Variants in ANKRD46 observed in about 807,000 individuals in gnomAD.
The protein encoded by ANKRD46 is ankyrin repeat domain 46.
Under a neutral mutation model 19.8 loss-of-function variants are expected in ANKRD46, and 13 were observed. The observed-to-expected ratio is 0.66, with a 90% CI of 0.43 to 1.04. The LOEUF (loss-of-function observed/expected upper bound fraction) is 1.04. Ranked by LOEUF, ANKRD46 falls within the 50% of genes least tolerant of loss-of-function variation. The pLI is 0.00. For synonymous variants in ANKRD46, 91 were observed against 106.9 expected (o/e 0.85, Z 0.92); for missense variants, 185 against 274.8 (o/e 0.67, Z 2.31).
intron 1 of ANKRD46, among the ~76,000 whole-genome samples, chr8:100,558,514 G>A (rs745429699): frequency 2.0e-5 from 3 of 152,144 alleles, no homozygotes; most frequent in Admixed American, 2.0e-4. Context: ...CCCAGTCCAA[G>A]TTTAACTTTA....
intron 1 of ANKRD46, chr8:100,551,372 T>C: frequency 1.7e-6 from 1 of 590,746 alleles, no homozygotes; most frequent in Non-Finnish European, 3.2e-6. Flanking sequence ...CCCTTTTGGC[T>C]CCCCCATTAA....
At chr8:100,547,614 C>T (rs944802940) in intron 1 of ANKRD46, among the ~76,000 whole-genome samples, 5 of 152,110 alleles carry the variant, frequency 3.3e-5, no homozygotes, top group African/African-American at 1.2e-4. Flanking sequence ...AGAGTAAGAC[C>T]TTGTCTCAAA....
chr8:100,553,685 GC>G (rs1812439573), intron 1 of ANKRD46, among the ~76,000 whole-genome samples: 1 of 152,186 alleles, frequency 6.6e-6, no homozygotes, highest in African/African-American at 2.4e-5. Flanking sequence ...GGAGGCGGAA[GC>G]TACAGTGAGC....
At chr8:100,516,247 A>C (rs1393464217), downstream of ANKRD46, among the ~76,000 whole-genome samples, 3 of 152,188 alleles carry the variant, frequency 2.0e-5, no homozygotes, top group African/African-American at 4.8e-5. Context: ...AGGTCATTTG[A>C]TTTCCATAGT....
At chr8:100,539,345 T>C (rs1477575788) in intron 1 of ANKRD46, among the ~76,000 whole-genome samples, 2 of 152,146 alleles carry the variant, frequency 1.3e-5, no homozygotes, top group Non-Finnish European at 2.9e-5. Flanking sequence ...AGGAAAAGAG[T>C]TGCTCTCTTT....
rs1811911969 is a variant in ANKRD46 at position 100,529,483 on chromosome 8, G to A, written c.311+40C>T. 6.4e-7 allele frequency: 1 copy of A among 1,557,802 alleles called. No individual in the cohort carries two copies. Among genetic ancestry groups the A allele is most frequent in the African/African-American group, 1.4e-5 (1 of 73,308 alleles). ...AAGATTATCAGTTGAGAGATTAATG[G>A]GAAGAAATGACTAGACTTCTAAAAC... is the stretch of plus-strand genomic sequence containing the variant. On this transcript the variant is annotated intron_variant, in intron 3 of 4. Transcript: ENST00000335659. This position sits in a 1 kb window ranked among gnomAD's most constrained non-coding sequence, Gnocchi z 5.8.
chr8:100,514,751 T>G (rs926959425), intron 5 of ANKRD46, among the ~76,000 whole-genome samples: 6 of 151,674 alleles, frequency 4.0e-5, no homozygotes, highest in African/African-American at 1.5e-4. Flanking sequence ...GTGATTCTTG[T>G]GTCTCAGCCT....
chr8:100,514,513 T>C (rs904626525), intron 5 of ANKRD46, among the ~76,000 whole-genome samples: 3 of 151,206 alleles, frequency 2.0e-5, no homozygotes, highest in Admixed American at 1.3e-4. Flanking sequence ...ATAATAAATC[T>C]TTAGGGAAAA....
intron 1 of ANKRD46, among the ~76,000 whole-genome samples, chr8:100,553,828 A>G (rs1812442318): frequency 6.6e-6 from 1 of 152,238 alleles, no homozygotes; most frequent in African/African-American, 2.4e-5. Context: ...AATATAGGTT[A>G]TTTGGCTAGT....
chr8:100,528,482 C>A (rs1391603705), intron 3 of ANKRD46, among the ~76,000 whole-genome samples: 1 of 150,576 alleles, frequency 6.6e-6, no homozygotes, highest in Admixed American at 6.6e-5. Flanking sequence ...GCCAAACATC[C>A]AGTGTAGCTG....
intron 2 of ANKRD46, among the ~76,000 whole-genome samples, chr8:100,531,720 T>G (rs752369627): frequency 6.6e-5 from 10 of 152,116 alleles, no homozygotes; most frequent in Non-Finnish European, 1.0e-4. Flanking sequence ...CATGGCTCAC[T>G]GCAGCCTCAA....
chr8:100,552,212 GCTAT>G (rs949974050), intron 1 of ANKRD46, among the ~76,000 whole-genome samples: 17 of 151,372 alleles, frequency 1.1e-4, no homozygotes, highest in Non-Finnish European at 1.3e-4. Flanking sequence ...TGATTTTCCG[GCTAT>G]CTTTCTGTTA....
Position 100,529,083 on chromosome 8 carries a change from T to G in ANKRD46, c.311+440A>C, listed in dbSNP as rs1811904082. On this transcript the variant is annotated intron_variant, in intron 3 of 4. Transcript: ENST00000335659. This position sits in a 1 kb window ranked among gnomAD's most constrained non-coding sequence, Gnocchi z 5.8. ...TTCCAGCTCTGTCCCTTATAAGCTG[T>G]GACCTTTTCAAATCCTCTATAAACT... 6.6e-6 allele frequency among the ~76,000 whole-genome samples: 1 copy of G among 152,358 alleles called. No individual in the cohort carries two copies. The highest frequency in any genetic ancestry group is 1.5e-5 in the Non-Finnish European group (1 of 68,032).
Position 100,529,079 on chromosome 8 carries a change from G to A in ANKRD46, c.311+444C>T, listed in dbSNP as rs1048605933. Among the ~76,000 whole-genome samples the A allele has an allele frequency of 1.3e-5, 2 of 152,326 alleles. No homozygotes were observed. Among genetic ancestry groups the A allele is most frequent in the African/African-American group, 2.4e-5 (1 of 41,572 alleles). ...CAAATTCCAGCTCTGTCCCTTATAAGCTGTGACCTTTTCAAATCCTCTATA... is the reference window on the plus strand; with the variant it reads ...CAAATTCCAGCTCTGTCCCTTATAAACTGTGACCTTTTCAAATCCTCTATA... On this transcript the variant is annotated intron_variant, in intron 3 of 4. Coordinates refer to ENST00000335659, the MANE Select transcript of ANKRD46 (RefSeq NM_001270377.2). This position sits in a 1 kb window ranked among gnomAD's most constrained non-coding sequence, Gnocchi z 5.8.
At chr8:100,547,241 G>A (rs568925834) in intron 1 of ANKRD46, among the ~76,000 whole-genome samples, 21 of 152,238 alleles carry the variant, frequency 1.4e-4, no homozygotes, top group Admixed American at 1.3e-3. Flanking sequence ...TGTAATTCCC[G>A]CATGTCAAGG....
intron 4 of ANKRD46, 133 bp from the exon 5 acceptor site, chr8:100,522,904 C>CAT (rs59062296): frequency 1.6e-4 from 49 of 305,722 alleles, no homozygotes; most frequent in East Asian, 6.0e-4. Context: ...CACACACACA[C>CAT]ATATATATAT....
chr8:100,553,143 G>A (rs1016197171), intron 1 of ANKRD46, among the ~76,000 whole-genome samples: 8 of 152,164 alleles, frequency 5.3e-5, no homozygotes, highest in Non-Finnish European at 8.8e-5. Context: ...TGACCAAGGA[G>A]ATAACCGAAA....
intron 3 of ANKRD46, among the ~76,000 whole-genome samples, chr8:100,528,310 T>C (rs904221240): frequency 2.3e-4 from 35 of 152,190 alleles, no homozygotes; most frequent in African/African-American, 7.0e-4. Flanking sequence ...GACCCCATCC[T>C]CACACTGAAT....
rs776117567 is a variant in ANKRD46, at chr8:100,521,181, T to C, written c.*1374A>G. The C allele has an allele frequency of 3.0e-6, 3 of 984,948 alleles. No homozygotes were observed. The highest frequency in any genetic ancestry group is 3.6e-6 in the Non-Finnish European group (3 of 829,846). 61.0% of individuals were successfully genotyped at this position (984,948 alleles called of 1,614,324 possible). On this transcript the variant is annotated 3_prime_UTR_variant, in exon 5 of 5. Coordinates refer to ENST00000335659, the MANE Select transcript of ANKRD46 (RefSeq NM_001270377.2). ...CAAGCCTCAATACTAGATACATAGATACAAGAGAAAATACCAAGAAGCAAA... is the reference window on the plus strand; with the variant it reads ...CAAGCCTCAATACTAGATACATAGACACAAGAGAAAATACCAAGAAGCAAA...
Sources: gnomAD v4.1 joint callset for allele counts (sites outside exome capture counted in the v4.1 genomes callset) on GRCh38, gnomAD v4.1.1 for gene constraint, Gnocchi (gnomAD v3.1) non-coding constraint, MANE v1.5 for transcripts, NCBI Gene and HGNC (gene_info 2026-07-23, HGNC 2026-07-21) for gene names.